STXBP6: variants seen among roughly 807,000 people sequenced by gnomAD.
The protein encoded by STXBP6 is syntaxin binding protein 6.
STXBP6 carries 21 observed loss-of-function variants against 26.9 expected under a neutral mutation model. The observed-to-expected ratio is 0.78, with a 90% CI of 0.55 to 1.12. The LOEUF (loss-of-function observed/expected upper bound fraction) is 1.12, where lower values mean the gene tolerates loss of function less well. Ranked by LOEUF, STXBP6 falls within the 50% of genes most tolerant of loss-of-function variation. The pLI is 0.00. For missense variants in STXBP6, 232 were observed against 257.9 expected, an observed-to-expected ratio of 0.90 and a Z score of 0.69; for synonymous variants, 97 against 92.6, an observed-to-expected ratio of 1.05 and a Z score of -0.27.
At chr14:24,834,167 T>A (rs774413170) in intron 4 of STXBP6, among the ~76,000 whole-genome samples, 35 of 152,282 alleles carry the variant, frequency 2.3e-4, no homozygotes, top group African/African-American at 7.9e-4. Flanking sequence ...GCTAATTTTT[T>A]AATTTTCTGT....
intron 4 of STXBP6, among the ~76,000 whole-genome samples, chr14:24,823,350 C>T (rs553345016): frequency 1.6e-3 from 248 of 152,004 alleles, no homozygotes; most frequent in African/African-American, 5.7e-3. Context: ...AAGTGATAAA[C>T]GAAGAGAAAG....
rs184590886 is a variant in STXBP6, at chr14:25,013,268, C to T, written c.-33+36610G>A. ...AAACTGGTAGATAAATGGAAAGAAT[C>T]GAACATTTTTCTTGCCTTTTCTATA... On this transcript the variant is annotated intron_variant, in intron 1 of 5. Transcript: ENST00000323944. Among the ~76,000 whole-genome samples, 9 of 152,148 alleles carry T rather than the reference C, an allele frequency of 5.9e-5. No individual in the cohort carries two copies. The East Asian group carries it at 1.5e-3, about 26-fold the overall frequency.
chr14:24,866,226 G>A (rs1198836096), intron 2 of STXBP6, among the ~76,000 whole-genome samples: 2 of 152,130 alleles, frequency 1.3e-5, no homozygotes, highest in Non-Finnish European at 2.9e-5. Flanking sequence ...GAAGGCCTTT[G>A]GACTTGTACT....
At chr14:24,875,081 A>G (rs1244686357) in intron 2 of STXBP6, among the ~76,000 whole-genome samples, 1 of 152,226 alleles carries the variant, frequency 6.6e-6, no homozygotes, top group African/African-American at 2.4e-5. Context: ...CTAACTGAAT[A>G]ACAGCAGCAG....
At chr14:24,822,259 T>C (rs1277126039) in intron 4 of STXBP6, among the ~76,000 whole-genome samples, 1 of 152,150 alleles carries the variant, frequency 6.6e-6, no homozygotes, top group Non-Finnish European at 1.5e-5. Flanking sequence ...GAGTCTAGTC[T>C]AGACACCTTC....
intron 1 of STXBP6, among the ~76,000 whole-genome samples, chr14:25,015,603 C>G (rs2075131540): frequency 6.6e-6 from 1 of 151,990 alleles, no homozygotes; most frequent in Non-Finnish European, 1.5e-5. Context: ...GAGCAAGTTT[C>G]AATTATTTCA....
chr14:25,030,345 G>T (rs2075429686), intron 1 of STXBP6, among the ~76,000 whole-genome samples: 1 of 152,170 alleles, frequency 6.6e-6, no homozygotes, highest in Non-Finnish European at 1.5e-5. Context: ...GGAAGCCAAG[G>T]TGCTCATCAA....
chr14:24,947,509 A>G (rs1283215462), intron 2 of STXBP6, among the ~76,000 whole-genome samples: 1 of 152,246 alleles, frequency 6.6e-6, no homozygotes, highest in Non-Finnish European at 1.5e-5. Flanking sequence ...AGTCACTGCC[A>G]ACTACATCGG....
intron 5 of STXBP6, among the ~76,000 whole-genome samples, chr14:24,814,826 C>T (rs192370223): frequency 5.9e-5 from 9 of 152,238 alleles, no homozygotes; most frequent in South Asian, 4.1e-4. Context: ...GACCCCTCAC[C>T]GCTTCCACCA....
At chr14:25,022,683 G>T (rs924583554) in intron 1 of STXBP6, among the ~76,000 whole-genome samples, 6 of 152,162 alleles carry the variant, frequency 3.9e-5, no homozygotes, top group Non-Finnish European at 7.3e-5. Flanking sequence ...AGGTTTGCTG[G>T]CTGATGGTTT....
At chr14:24,969,353 C>T (rs2073834732) in intron 2 of STXBP6, among the ~76,000 whole-genome samples, 1 of 152,164 alleles carries the variant, frequency 6.6e-6, no homozygotes, top group Admixed American at 6.5e-5. Flanking sequence ...ATTACACACA[C>T]ATAATTAAAA....
chr14:24,817,457 G>C (rs986919019), intron 5 of STXBP6: 1 of 154,562 alleles, frequency 6.5e-6, no homozygotes, highest in Non-Finnish European at 1.4e-5. Context: ...TTCTGTGTGG[G>C]AAGACATGAA....
At chr14:25,043,761 C>A (rs1485079898) in intron 1 of STXBP6, among the ~76,000 whole-genome samples, 1 of 152,194 alleles carries the variant, frequency 6.6e-6, no homozygotes, top group African/African-American at 2.4e-5. Context: ...AATGTTGTAG[C>A]ATGAATCAAC....
At position 24,856,889 on chromosome 14, in the gene STXBP6, A is replaced by G. The variant is rs1594972812; in HGVS notation, c.285+138T>C. 6.4e-6 allele frequency: 7 copies of G among 1,087,642 alleles called. No homozygotes were observed. The East Asian group carries it at 1.5e-4, about 24-fold the overall frequency. 67.4% of individuals were successfully genotyped at this position (1,087,642 alleles called of 1,614,324 possible). ...CCCATAAGAAAGGACTCTGTATCCG[A>G]AAGTTTTAATCACATAATTGAAATA... On this transcript the variant is annotated intron_variant, in intron 3 of 5. Transcript: ENST00000323944.
At chr14:24,990,171 G>C (rs2074429839) in intron 1 of STXBP6, among the ~76,000 whole-genome samples, 1 of 152,160 alleles carries the variant, frequency 6.6e-6, no homozygotes, top group African/African-American at 2.4e-5. Context: ...TGAGTTACGA[G>C]CCAGGCCGGG....
chr14:25,034,699 G>T (rs778369204), intron 1 of STXBP6, among the ~76,000 whole-genome samples: 10 of 152,148 alleles, frequency 6.6e-5, no homozygotes, highest in Non-Finnish European at 1.5e-4. Flanking sequence ...CTAATTAAAA[G>T]AGTTGAAAGA....
At chr14:24,926,314 G>A (rs893855649) in intron 2 of STXBP6, among the ~76,000 whole-genome samples, 5 of 150,628 alleles carry the variant, frequency 3.3e-5, no homozygotes, top group Admixed American at 6.7e-5. Context: ...GACTAATAGC[G>A]GAGAATAAAC....
At chr14:24,928,382 C>T (rs910259892) in intron 2 of STXBP6, among the ~76,000 whole-genome samples, 2 of 150,410 alleles carry the variant, frequency 1.3e-5, no homozygotes, top group Non-Finnish European at 3.0e-5. Flanking sequence ...GTTTGTTTTG[C>T]TTTTTTTTTG....
At chr14:24,841,703 T>A (rs1164385751) in intron 4 of STXBP6, among the ~76,000 whole-genome samples, 1 of 152,234 alleles carries the variant, frequency 6.6e-6, no homozygotes, top group Non-Finnish European at 1.5e-5. Context: ...TTCTATCAAA[T>A]GAGTCTATTT....
Sources: allele counts gnomAD v4.1 joint callset (sites outside exome capture counted in the v4.1 genomes callset), GRCh38; gene constraint gnomAD v4.1.1; transcripts MANE v1.5; gene names NCBI Gene and HGNC (gene_info 2026-07-23, HGNC 2026-07-21).